The following DIAPH2 variants were observed in gnomAD, a reference collection of about 807,000 sequenced individuals.
The protein encoded by DIAPH2 is diaphanous related formin 2, also known as protein diaphanous homolog 2.
Under a neutral mutation model 92.7 loss-of-function variants are expected in DIAPH2, and 35 were observed. The observed-to-expected ratio is 0.38, with a 90% CI of 0.29 to 0.50. The LOEUF is 0.50. Among genes scored for constraint, DIAPH2 ranks in the 20% least tolerant of loss-of-function variants. DIAPH2 has a pLI of 0.94. For missense variants in DIAPH2, 701 were observed against 819.5 expected (o/e 0.86, Z 1.77); for synonymous variants, 301 against 280.4 (o/e 1.07, Z -0.73).
At chrX:97,042,979 T>C (rs2066457532) in intron 17 of DIAPH2, among the ~76,000 whole-genome samples, 1 of 111,979 alleles carries the variant, frequency 8.9e-6, no homozygotes, top group South Asian at 3.7e-4. Flanking sequence ...TAGTTGAAAA[T>C]TAACTTATTT....
At chrX:96,827,739 C>T (rs761025592) in intron 4 of DIAPH2, among the ~76,000 whole-genome samples, 55 of 112,224 alleles carry the variant, frequency 4.9e-4, no homozygotes, top group Non-Finnish European at 9.6e-4. Context: ...CATTTGCCGT[C>T]AGAGTGATGA....
At chrX:97,010,520 G>A (rs1245608543) in intron 17 of DIAPH2, among the ~76,000 whole-genome samples, 1 of 111,812 alleles carries the variant, frequency 8.9e-6, no homozygotes, top group Non-Finnish European at 1.9e-5. Context: ...CTTGTGGGGA[G>A]GATGATCACA....
At chrX:97,313,240 TCACA>T (rs2068812347) in intron 23 of DIAPH2, among the ~76,000 whole-genome samples, 2 of 111,476 alleles carry the variant, frequency 1.8e-5, no homozygotes, top group African/African-American at 6.5e-5. Flanking sequence ...ATACTAGTGG[TCACA>T]AGTGAACACT....
chrX:96,949,127 C>T, intron 15 of DIAPH2, 88 bp downstream of exon 15: 1 of 528,692 alleles, frequency 1.9e-6, no homozygotes, highest in Non-Finnish European at 2.9e-6. Context: ...AAAAATGTGA[C>T]CAGAAGCAGA....
intron 22 of DIAPH2, among the ~76,000 whole-genome samples, chrX:97,188,323 T>A (rs2067624422): frequency 9.0e-6 from 1 of 110,704 alleles, no homozygotes; most frequent in Admixed American, 9.7e-5. Flanking sequence ...GGCCTTTAAG[T>A]TTGGTGGTGA....
At chrX:97,432,085 T>G (rs776852323) in intron 26 of DIAPH2, among the ~76,000 whole-genome samples, 1 of 111,598 alleles carries the variant, frequency 9.0e-6, no homozygotes, top group Non-Finnish European at 1.9e-5. Context: ...AAAAGGCTAA[T>G]TATAAAGAAG....
chrX:96,996,720 A>G (rs1159309002), intron 17 of DIAPH2, among the ~76,000 whole-genome samples: 2 of 111,905 alleles, frequency 1.8e-5, no homozygotes, highest in Non-Finnish European at 3.8e-5. Context: ...TTGAATTGCT[A>G]TAGTTATATT....
At chrX:97,225,618 T>C (rs747329033) in intron 22 of DIAPH2, among the ~76,000 whole-genome samples, 4 of 111,854 alleles carry the variant, frequency 3.6e-5, no homozygotes, top group African/African-American at 9.7e-5. Context: ...ACTAGAAATG[T>C]TAACTTCATG....
intron 26 of DIAPH2, chrX:97,442,677 A>G (rs1330991478): frequency 8.9e-6 from 1 of 112,051 alleles, no homozygotes; most frequent in Non-Finnish European, 1.9e-5. Flanking sequence ...AACCAGATTT[A>G]CCTGGACATG....
intron 26 of DIAPH2, among the ~76,000 whole-genome samples, chrX:97,517,333 G>A (rs902438128): frequency 1.9e-4 from 21 of 111,993 alleles, no homozygotes; most frequent in Admixed American, 3.8e-4. Context: ...GACCTCAACA[G>A]CCTATCTCGA....
intron 23 of DIAPH2, among the ~76,000 whole-genome samples, chrX:97,289,825 A>G (rs1344170492): frequency 1.8e-5 from 2 of 109,697 alleles, no homozygotes; most frequent in East Asian, 2.8e-4. Context: ...CCTGGGTTCA[A>G]GCGATTCTCC....
intron 25 of DIAPH2, among the ~76,000 whole-genome samples, chrX:97,418,001 C>T (rs1221093388): frequency 8.9e-6 from 1 of 111,749 alleles, no homozygotes; most frequent in Non-Finnish European, 1.9e-5. Flanking sequence ...GAGATGGTGG[C>T]TAACTGACTC....
chrX:96,709,699 T>C (rs762258748), intron 1 of DIAPH2, among the ~76,000 whole-genome samples: 1 of 112,126 alleles, frequency 8.9e-6, no homozygotes, highest in Non-Finnish European at 1.9e-5. Flanking sequence ...CTGGACCTTA[T>C]CATGTCTGTA....
At position 96,882,042 on chromosome X, in the gene DIAPH2, C is replaced by T. The variant is rs772925831; in HGVS notation, c.587+324C>T. On this transcript the variant is annotated intron_variant, in intron 5 of 26. Transcript: ENST00000324765. ...TAAAGCAAATTAAGTATATTTGCTC[C>T]ATGATTTTATTCTTTTTTTTTTTTG... Among the ~76,000 whole-genome samples, 8 of 87,058 alleles carry T rather than the reference C, an allele frequency of 9.2e-5. No homozygotes were observed. In the East Asian group the frequency reaches 2.7e-3, roughly 29 times the overall value. 75.6% of individuals were successfully genotyped at this position (87,058 alleles called of 115,157 possible). A position where few individuals can be genotyped will look rare whatever the true frequency, so the allele number is the denominator to read the frequency against.
chrX:97,287,601 C>T (rs2068553288), intron 23 of DIAPH2, among the ~76,000 whole-genome samples: 1 of 108,730 alleles, frequency 9.2e-6, no homozygotes, highest in South Asian at 4.0e-4. Context: ...TCATTTGTCA[C>T]CACAAACAAA....
chrX:96,872,932 A>G lies in DIAPH2; in HGVS notation c.448-8647A>G, dbSNP rs140157375. On this transcript the variant is annotated intron_variant, in intron 4 of 26. Coordinates refer to ENST00000324765, the MANE Select transcript of DIAPH2 (RefSeq NM_006729.5). ...GATATACTGATTCTTTCTTTTTGGC[A>G]TATACCCAGCAGTGGGAATGCTGGA... Among the ~76,000 whole-genome samples, 898 of 112,058 alleles carry G rather than the reference A, an allele frequency of 8.0e-3. 6 individuals are homozygous for G. Among genetic ancestry groups the G allele is most frequent in the Non-Finnish European group, 0.011 (588 of 53,198 alleles).
chrX:97,085,385 C>T (rs1445153591), intron 19 of DIAPH2, among the ~76,000 whole-genome samples: 1 of 111,376 alleles, frequency 9.0e-6, no homozygotes, highest in East Asian at 2.8e-4. Flanking sequence ...AGAAACATGA[C>T]CTTTTCCAAA....
intron 26 of DIAPH2, chrX:97,528,944 C>T (rs1055707297): frequency 2.7e-5 from 3 of 110,094 alleles, no homozygotes; most frequent in South Asian, 4.0e-4. Flanking sequence ...CATGGTGGCA[C>T]GTGTCTGTAA....
At chrX:96,935,507 A>C (rs939026766) in intron 10 of DIAPH2, among the ~76,000 whole-genome samples, 4 of 111,171 alleles carry the variant, frequency 3.6e-5, no homozygotes, top group Non-Finnish European at 7.6e-5. Flanking sequence ...TGGTTTTGCT[A>C]TACGTATTTT....
Sources: gnomAD v4.1 joint callset for allele counts (sites outside exome capture counted in the v4.1 genomes callset) on GRCh38, gnomAD v4.1.1 for gene constraint, MANE v1.5 for transcripts, NCBI Gene and HGNC (gene_info 2026-07-23, HGNC 2026-07-21) for gene names.